PEBP4: variants seen among roughly 807,000 people sequenced by gnomAD.
The protein encoded by PEBP4 is phosphatidylethanolamine-binding protein 4.
Under a neutral mutation model 23.9 loss-of-function variants are expected in PEBP4, and 22 were observed. The observed-to-expected ratio is 0.92, with a 90% CI of 0.66 to 1.31. PEBP4 has a LOEUF of 1.31. Ranked by LOEUF, PEBP4 falls within the 40% of genes most tolerant of loss-of-function variation. The probability of loss-of-function intolerance (pLI) is 0.00; values close to 1 mark genes in which losing one functional copy is unlikely to be tolerated. For missense variants in PEBP4, 324 were observed against 281.7 expected (o/e 1.15, Z -1.07); for synonymous variants, 112 against 99.3 (o/e 1.13, Z -0.76).
chr8:22,777,289 C>A (rs765927580), intron 4 of PEBP4, among the ~76,000 whole-genome samples: 1 of 152,112 alleles, frequency 6.6e-6, no homozygotes, highest in Admixed American at 6.5e-5. Context: ...CTCACATTTA[C>A]AGTGTGGAAG....
intron 3 of PEBP4, among the ~76,000 whole-genome samples, chr8:22,905,501 T>C (rs34664073): frequency 0.14 from 20,794 of 152,270 alleles, 1,798 homozygotes; most frequent in East Asian, 0.24. Flanking sequence ...ACCTTATACC[T>C]AGGCAGACCT....
intron 4 of PEBP4, among the ~76,000 whole-genome samples, chr8:22,809,765 T>C (rs1806579730): frequency 6.6e-6 from 1 of 152,236 alleles, no homozygotes; most frequent in Non-Finnish European, 1.5e-5. Context: ...TCCTCCTTTT[T>C]ATTCTCTCTT....
rs533114089 is a variant in PEBP4, at chr8:22,730,996, C to G, written c.358-3776G>C. 3.3e-5 allele frequency among the ~76,000 whole-genome samples: 5 copies of G among 152,310 alleles called. No homozygotes were observed. In the South Asian group the frequency reaches 1.0e-3, roughly 32 times the overall value. Reference sequence around the variant, plus strand: ...CTGCTGCCTCCCCCAGCCCAGACTCCAGATGTGCTCTTGCCTCTCTAAGAT... The same window carrying G: ...CTGCTGCCTCCCCCAGCCCAGACTCGAGATGTGCTCTTGCCTCTCTAAGAT... On this transcript the variant is annotated intron_variant, in intron 4 of 6. Coordinates refer to ENST00000256404, the MANE Select transcript of PEBP4 (RefSeq NM_144962.3).
chr8:22,742,188 A>AGCAG (rs1805009525), intron 4 of PEBP4, among the ~76,000 whole-genome samples: 1 of 152,218 alleles, frequency 6.6e-6, no homozygotes, highest in Admixed American at 6.5e-5. Context: ...TTTTGCTGTG[A>AGCAG]GCAGTTAATT....
intron 6 of PEBP4, among the ~76,000 whole-genome samples, chr8:22,714,670 T>G (rs1255009736): frequency 6.6e-6 from 1 of 151,978 alleles, no homozygotes; most frequent in Non-Finnish European, 1.5e-5. Context: ...TCACCTCTGA[T>G]ACCCAGACAG....
At chr8:22,859,411 T>C (rs1807719832) in intron 3 of PEBP4, among the ~76,000 whole-genome samples, 1 of 152,178 alleles carries the variant, frequency 6.6e-6, no homozygotes, top group Non-Finnish European at 1.5e-5. Context: ...GGAGCTTGAA[T>C]ACTCCAGGGG....
At chr8:22,839,499 T>C (rs1807277291) in intron 3 of PEBP4, among the ~76,000 whole-genome samples, 1 of 152,174 alleles carries the variant, frequency 6.6e-6, no homozygotes, top group Non-Finnish European at 1.5e-5. Flanking sequence ...GAGAGGTTCA[T>C]CTCAACACCT....
chr8:22,897,482 A>G (rs1361465833), intron 3 of PEBP4, among the ~76,000 whole-genome samples: 1 of 152,206 alleles, frequency 6.6e-6, no homozygotes, highest in Non-Finnish European at 1.5e-5. Context: ...TTGACTCTTA[A>G]GACCTAGCTC....
At chr8:22,766,051 G>C (rs1416260202) in intron 4 of PEBP4, among the ~76,000 whole-genome samples, 2 of 152,396 alleles carry the variant, frequency 1.3e-5, no homozygotes, top group South Asian at 4.1e-4. Flanking sequence ...CCTCACACCA[G>C]TAGACACAGG....
chr8:22,723,257 G>C (rs533569964), intron 6 of PEBP4, among the ~76,000 whole-genome samples: 1 of 152,146 alleles, frequency 6.6e-6, no homozygotes, highest in Non-Finnish European at 1.5e-5. Context: ...GGTGGGTCAG[G>C]CCTCTGCTGG....
At chr8:22,829,621 A>G (rs149445334) in intron 3 of PEBP4, among the ~76,000 whole-genome samples, 36 of 152,288 alleles carry the variant, frequency 2.4e-4, no homozygotes, top group Admixed American at 7.2e-4. Context: ...AGGAAGGAAG[A>G]GATTGCTTCC....
intron 6 of PEBP4, among the ~76,000 whole-genome samples, chr8:22,715,950 C>T (rs1197437256): frequency 6.6e-6 from 1 of 152,144 alleles, no homozygotes; most frequent in Non-Finnish European, 1.5e-5. Flanking sequence ...ACTGCTGTCC[C>T]CGAGAGGCAG....
At chr8:22,767,324 A>G (rs1805630305) in intron 4 of PEBP4, among the ~76,000 whole-genome samples, 1 of 152,232 alleles carries the variant, frequency 6.6e-6, no homozygotes, top group South Asian at 2.1e-4. Flanking sequence ...ATGTATCACA[A>G]GCAAATGCTG....
chr8:22,852,950 A>G (rs1056072697), intron 3 of PEBP4, among the ~76,000 whole-genome samples: 5 of 152,248 alleles, frequency 3.3e-5, no homozygotes, highest in African/African-American at 4.8e-5. Context: ...GGAACAGGGC[A>G]TCATTAGCGC....
chr8:22,889,510 G>C (rs923613315), intron 3 of PEBP4, among the ~76,000 whole-genome samples: 5 of 152,184 alleles, frequency 3.3e-5, no homozygotes, highest in South Asian at 2.1e-4. Context: ...TTAAAGGCAA[G>C]AGAAGTCTAA....
At chr8:22,893,058 C>T (rs1858192) in intron 3 of PEBP4, among the ~76,000 whole-genome samples, 123,180 of 152,100 alleles carry the variant, frequency 0.81, 51,201 homozygotes, top group East Asian at 1. Flanking sequence ...GATCAGCATG[C>T]GCATGTGAGA....
chr8:22,906,756 T>C (rs1173050755), intron 3 of PEBP4, among the ~76,000 whole-genome samples: 1 of 152,258 alleles, frequency 6.6e-6, no homozygotes, highest in Non-Finnish European at 1.5e-5. Context: ...ACTAAGTGCC[T>C]ACCATGTGAC....
intron 2 of PEBP4, chr8:22,924,678 G>C: frequency 1.0e-5 from 10 of 985,370 alleles, no homozygotes; most frequent in South Asian, 9.4e-5. Flanking sequence ...CCCATCCCTA[G>C]GGGAGCTTGC....
chr8:22,758,812 A>C (rs1805443357), intron 4 of PEBP4, among the ~76,000 whole-genome samples: 3 of 152,216 alleles, frequency 2.0e-5, no homozygotes, highest in Non-Finnish European at 4.4e-5. Flanking sequence ...TGGGGTGGAC[A>C]GCGCTTTCCT....
Sources: allele counts gnomAD v4.1 joint callset (sites outside exome capture counted in the v4.1 genomes callset), GRCh38; gene constraint gnomAD v4.1.1; transcripts MANE v1.5; gene names NCBI Gene and HGNC (gene_info 2026-07-23, HGNC 2026-07-21).